KNDC1: variants seen among roughly 807,000 people sequenced by gnomAD.
KNDC1 encodes kinase non-catalytic C-lobe domain-containing protein 1.
Under a neutral mutation model 172.8 loss-of-function variants are expected in KNDC1, and 106 were observed. The ratio of observed to expected loss-of-function variants is 0.61; its 90% CI spans 0.52 to 0.72. The LOEUF (loss-of-function observed/expected upper bound fraction) is 0.72. KNDC1 is among the 30% of genes least tolerant of loss of function. The pLI is 0.00. For missense variants in KNDC1, 2,325 were observed against 2,394.5 expected (o/e 0.97, Z 0.61); for synonymous variants, 1,083 against 1,062.2 (o/e 1.02, Z -0.38).
chr10:133,183,365 G>T lies in KNDC1; in HGVS notation c.382G>T (p.Ala128Ser), dbSNP rs11101618. The T allele has an allele frequency of 0.027, 42,763 of 1,596,450 alleles. 651 individuals are homozygous for T. Among genetic ancestry groups the T allele is most frequent in the Middle Eastern group, 0.033 (169 of 5,050 alleles). Reference sequence around the variant, plus strand: ...ACAGGCGCACATCTACTCTCTGGGGGCCACGCTGAAGGCCGCCCTCGAGTA... The same window carrying T: ...ACAGGCGCACATCTACTCTCTGGGGTCCACGCTGAAGGCCGCCCTCGAGTA... ...TFEAHIYSLG[A>S]TLKAALEYVA... Residue 128 changes from alanine (A) to serine (S), a missense_variant, in exon 4 of 30, where the codon GCC (alanine) becomes TCC (serine). Ala to Ser is a moderately conservative substitution (Grantham distance 99). Transcript: ENST00000304613.
At chr10:133,216,842 T>C (rs1247292921) in intron 26 of KNDC1, among the ~76,000 whole-genome samples, 2 of 152,228 alleles carry the variant, frequency 1.3e-5, no homozygotes, top group Non-Finnish European at 1.5e-5. Flanking sequence ...TGAGAACTTA[T>C]TCAGCCTTAA....
rs1056935666 is a variant in KNDC1 at position 133,200,647 on chromosome 10, T to C, written c.2989+187T>C. ...GGGGGTGCCCAGCCAAAGGCCGCCC[T>C]CTCCTGGGGGTGCCCAGCCAAAGGC... is the stretch of plus-strand genomic sequence containing the variant. On this transcript the variant is annotated intron_variant, in intron 16 of 29. Transcript: ENST00000304613. Among the ~76,000 whole-genome samples the C allele has an allele frequency of 1.1e-4, 16 of 152,268 alleles. No individual in the cohort carries two copies. The East Asian group carries it at 3.1e-3, about 29-fold the overall frequency.
chr10:133,214,236 A>G (rs992903916), intron 26 of KNDC1, 114 bp downstream of exon 26: 54 of 1,155,676 alleles, frequency 4.7e-5, no homozygotes, highest in Non-Finnish European at 1.9e-5. Flanking sequence ...AGTGAACCCA[A>G]CTCTGTGTCC....
intron 5 of KNDC1, among the ~76,000 whole-genome samples, chr10:133,184,523 A>C (rs1388653257): frequency 3.3e-5 from 5 of 152,238 alleles, no homozygotes; most frequent in African/African-American, 1.2e-4. Flanking sequence ...ACTCTTGCTC[A>C]CAGTCACACA....
chr10:133,183,523 G>A (rs1440332883), intron 4 of KNDC1, 33 bp downstream of exon 4: 2 of 1,574,830 alleles, frequency 1.3e-6, no homozygotes, highest in South Asian at 1.2e-5. Context: ...ACCCCAGGCT[G>A]TGACCCTGAC....
intron 3 of KNDC1, among the ~76,000 whole-genome samples, chr10:133,182,938 AGGC>A (rs1264494090): frequency 0.011 from 67 of 6,122 alleles, no homozygotes; most frequent in Admixed American, 0.021. Flanking sequence ...GTGTGGGCAC[AGGC>A]GGTGTGGGCA....
chr10:133,211,192 G>A (rs1845355268), intron 21 of KNDC1, among the ~76,000 whole-genome samples: 1 of 151,328 alleles, frequency 6.6e-6, no homozygotes, highest in Non-Finnish European at 1.5e-5. Flanking sequence ...TGCCCCCCCA[G>A]GACACTCCAC....
rs1453375899 is a variant in KNDC1 at position 133,209,450 on chromosome 10, TGTG to T, written c.3795-1159_3795-1157del. On this transcript the variant is annotated intron_variant, in intron 20 of 29. Coordinates refer to ENST00000304613, the MANE Select transcript of KNDC1 (RefSeq NM_152643.8). The surrounding 1 kb of genome is among the most constrained non-coding windows in gnomAD (Gnocchi z 4.9). Reference sequence around the variant, plus strand: ...AGTGTGTGTGTGCACGTATGTGTGGTGTGGGGTATAGTGTGGCTTGTGTGCGCG... The same window carrying T: ...AGTGTGTGTGTGCACGTATGTGTGGTGGGTATAGTGTGGCTTGTGTGCGCG... Among the ~76,000 whole-genome samples the T allele has an allele frequency of 4.0e-5, 6 of 151,144 alleles. No individual in the cohort carries two copies. Among genetic ancestry groups the T allele is most frequent in the African/African-American group, 1.5e-4 (6 of 40,984 alleles).
chr10:133,165,941 C>T (rs376835340), intron 1 of KNDC1, among the ~76,000 whole-genome samples: 224 of 152,304 alleles, frequency 1.5e-3, no homozygotes, highest in African/African-American at 5.1e-3. Flanking sequence ...CTCCCTGGAC[C>T]GCAAGAAGGA....
At chr10:133,197,623 C>T (rs887718065) in intron 11 of KNDC1, 52 bp from the exon 12 acceptor site, 11 of 1,398,182 alleles carry the variant, frequency 7.9e-6, no homozygotes, top group African/African-American at 1.4e-5. Context: ...GTGTTGCCGG[C>T]GCTGGCGGAG....
At position 133,207,337 on chromosome 10, in the gene KNDC1, C is replaced by T; in HGVS notation, c.3780C>T (p.Ala1260=). The T allele has an allele frequency of 1.5e-5, 24 of 1,612,588 alleles. No individual in the cohort carries two copies. Among genetic ancestry groups the T allele is most frequent in the Non-Finnish European group, 1.9e-5 (23 of 1,179,766 alleles). ...CCGGCACGCCGCTGGGGCTCATGGC[C>T]TACCTGTACTCCAGGTGCGTTGGGA... is the stretch of plus-strand genomic sequence containing the variant. ...LQAGTPLGLM[A]YLYSSDAFLE... is the part of the protein sequence containing the mutation. The change falls in exon 20 of 30, where the codon GCC becomes GCT. Residue 1260 remains alanine (A), a synonymous_variant. Coordinates refer to ENST00000304613, the MANE Select transcript of KNDC1 (RefSeq NM_152643.8).
intron 26 of KNDC1, among the ~76,000 whole-genome samples, chr10:133,218,098 T>TC (rs1845505647): frequency 6.7e-6 from 1 of 149,926 alleles, no homozygotes; most frequent in African/African-American, 2.5e-5. Flanking sequence ...GGGCATGGCG[T>TC]CCAGCTGGAC....
At chr10:133,191,847 G>A (rs1854078419) in intron 9 of KNDC1, among the ~76,000 whole-genome samples, 2 of 152,262 alleles carry the variant, frequency 1.3e-5, no homozygotes. Flanking sequence ...GGCCGAGCCT[G>A]GAGCCTGGAC....
At chr10:133,197,163 T>G (rs1248140451) in intron 11 of KNDC1, 28 bp downstream of exon 11, 3 of 1,571,222 alleles carry the variant, frequency 1.9e-6, no homozygotes, top group East Asian at 2.3e-5. Context: ...GGCCGCCGCC[T>G]CCTCCGCCGC....
rs1482678498 is a variant in KNDC1, at chr10:133,189,804, A to G, written c.1566A>G (p.Val522=). Reference sequence around the variant, plus strand: ...CCGAGCTGGCAGAGGAGAGGCTGGTAACTGAAAAGGTACCCGGGCCCTCCC... The same window carrying G: ...CCGAGCTGGCAGAGGAGAGGCTGGTGACTGAAAAGGTACCCGGGCCCTCCC... ...LAPELAEERL[V]TEKASVYCVA... is the part of the protein sequence containing the mutation. Residue 522 remains valine, a synonymous_variant, in exon 9 of 30, where the codon GTA becomes GTG. Coordinates refer to ENST00000304613, the MANE Select transcript of KNDC1 (RefSeq NM_152643.8). 6.2e-7 allele frequency: 1 copy of G among 1,613,514 alleles called. No individual in the cohort carries two copies. Among genetic ancestry groups the G allele is most frequent in the African/African-American group, 1.3e-5 (1 of 74,894 alleles).
Position 133,198,815 on chromosome 10 carries a change from G to T in KNDC1, c.2307G>T (p.Gln769His). The T allele has an allele frequency of 6.3e-7, 1 of 1,597,934 alleles. No homozygotes were observed. Among genetic ancestry groups the T allele is most frequent in the Non-Finnish European group, 8.5e-7 (1 of 1,173,232 alleles). Residue 769 changes from glutamine to histidine, a missense_variant, in exon 14 of 30, where the codon CAG (glutamine) becomes CAT (histidine). Transcript: ENST00000304613. ...CTCCACCCCAGGCCCCAGCAAACCA[G>T]CCAGAGGGGGCCTCATCGGCAGCTC... ...PCPPPQAPAN[Q>H]PEGASSAAPG...
rs1845317752 is a variant in KNDC1, at chr10:133,209,770, C to A, written c.3795-841C>A. Among the ~76,000 whole-genome samples the A allele has an allele frequency of 6.6e-6, 1 of 151,986 alleles. No individual in the cohort carries two copies. Among genetic ancestry groups the A allele is most frequent in the Non-Finnish European group, 1.5e-5 (1 of 67,966 alleles). ...GCTGTGGCCACCTGTGTCCTCGGAC[C>A]CCAGGTGAGTGGGTGACCAGGCCCC... On this transcript the variant is annotated intron_variant, in intron 20 of 29. Transcript: ENST00000304613. This position sits in a 1 kb window ranked among gnomAD's most constrained non-coding sequence, Gnocchi z 4.9.
intron 17 of KNDC1, among the ~76,000 whole-genome samples, chr10:133,204,440 G>A (rs763033476): frequency 1.6e-4 from 24 of 152,326 alleles, no homozygotes; most frequent in East Asian, 1.9e-4. Context: ...AGCGGGGTCC[G>A]GAGGGCTTGG....
At position 133,207,305 on chromosome 10, in the gene KNDC1, C is replaced by T; in HGVS notation, c.3748C>T (p.Leu1250=). Residue 1250 remains leucine (L), a synonymous_variant, in exon 20 of 30, where the codon CTG becomes TTG. Transcript: ENST00000304613. Reference sequence around the variant, plus strand: ...GGGCGGCCGGCAGAAGGCCCGCATCCTGCAGGCCGGCACGCCGCTGGGGCT... The same window carrying T: ...GGGCGGCCGGCAGAAGGCCCGCATCTTGCAGGCCGGCACGCCGCTGGGGCT... ...HPGGRQKARI[L]QAGTPLGLMA... 6.2e-7 allele frequency: 1 copy of T among 1,612,954 alleles called. No individual in the cohort carries two copies. The highest frequency in any genetic ancestry group is 8.5e-7 in the Non-Finnish European group (1 of 1,179,954).
Sources: allele counts gnomAD v4.1 joint callset (sites outside exome capture counted in the v4.1 genomes callset), GRCh38; gene constraint gnomAD v4.1.1; non-coding constraint Gnocchi (gnomAD v3.1); transcripts MANE v1.5; gene names NCBI Gene and HGNC (gene_info 2026-07-23, HGNC 2026-07-21).